The following UGT1A5 variants were observed in gnomAD, a reference collection of about 807,000 sequenced individuals.
UGT1A5 encodes UDP glucuronosyltransferase family 1 member A5.
Under a neutral mutation model 40.3 loss-of-function variants are expected in UGT1A5, and 29 were observed. That is an observed-to-expected ratio of 0.72 (90% CI 0.54 to 0.98). The LOEUF (loss-of-function observed/expected upper bound fraction) is 0.98. Among genes scored for constraint, UGT1A5 ranks in the 50% least tolerant of loss-of-function variants. The probability of loss-of-function intolerance (pLI) is 0.00; values close to 1 mark genes in which losing one functional copy is unlikely to be tolerated. For synonymous variants in UGT1A5, 257 were observed against 262.5 expected (o/e 0.98, Z 0.20); for missense variants, 678 against 677.9 (o/e 1.00, Z 0.00).
chr2:233,762,413 T>A (rs977567909), intron 1 of UGT1A5, among the ~76,000 whole-genome samples: 9 of 152,252 alleles, frequency 5.9e-5, no homozygotes, highest in African/African-American at 2.2e-4. Flanking sequence ...GGTTGCTTTT[T>A]CTACAAAATA....
Position 233,769,407 on chromosome 2 carries a change from G to C in UGT1A5, c.1307+968G>C. The C allele has an allele frequency of 7.8e-7, 1 of 1,286,632 alleles. No individual in the cohort carries two copies. The highest frequency in any genetic ancestry group is 1.1e-6 in the Non-Finnish European group (1 of 907,224). The allele number at this position is 1,286,632 out of a possible 1,614,324, so 79.7% of individuals were successfully genotyped here. ...ATAGATACTGTGTGCATATGTGCGT[G>C]TGCGTTTGTGCATGTGGCTGTGCTC... On this transcript the variant is annotated intron_variant, in intron 4 of 4. Transcript: ENST00000373414. The surrounding 1 kb of genome is among the most constrained non-coding windows in gnomAD (Gnocchi z 4.4).
At chr2:233,715,903 T>C (rs995195646) in intron 1 of UGT1A5, among the ~76,000 whole-genome samples, 1 of 152,162 alleles carries the variant, frequency 6.6e-6, no homozygotes, top group Non-Finnish European at 1.5e-5. Context: ...GAGGCTCAGG[T>C]GGGAGGATCA....
At chr2:233,733,215 C>T (rs1311837703) in intron 1 of UGT1A5, among the ~76,000 whole-genome samples, 2 of 152,150 alleles carry the variant, frequency 1.3e-5, no homozygotes, top group East Asian at 3.8e-4. Flanking sequence ...TGGGCTGAGA[C>T]AATGGGGTTT....
chr2:233,715,394 A>G (rs1337290732), intron 1 of UGT1A5, among the ~76,000 whole-genome samples: 1 of 152,240 alleles, frequency 6.6e-6, no homozygotes, highest in Non-Finnish European at 1.5e-5. Context: ...TTATCATTAA[A>G]TAATAATCCT....
chr2:233,728,748 G>A (rs2077747178), intron 1 of UGT1A5, among the ~76,000 whole-genome samples: 1 of 152,206 alleles, frequency 6.6e-6, no homozygotes, highest in African/African-American at 2.4e-5. Flanking sequence ...TAGGGCAATG[G>A]TGACTCCTCA....
intron 1 of UGT1A5, among the ~76,000 whole-genome samples, chr2:233,722,617 C>G (rs1215514710): frequency 6.6e-6 from 1 of 152,088 alleles, no homozygotes; most frequent in African/African-American, 2.4e-5. Context: ...TTTGATTTTT[C>G]TTAATGAAGC....
intron 1 of UGT1A5, chr2:233,747,297 T>C: frequency 6.2e-7 from 1 of 1,601,102 alleles, no homozygotes; most frequent in Admixed American, 1.7e-5. Context: ...GGGCTGAGAG[T>C]GGGAAGGTGC....
chr2:233,734,221 A>G (rs1167860302), intron 1 of UGT1A5, among the ~76,000 whole-genome samples: 2 of 152,172 alleles, frequency 1.3e-5, no homozygotes, highest in Non-Finnish European at 2.9e-5. Flanking sequence ...TGGTCTATTC[A>G]GAGATTCAAC....
intron 1 of UGT1A5, among the ~76,000 whole-genome samples, chr2:233,717,017 A>C (rs1321283175): frequency 2.0e-5 from 3 of 152,130 alleles, no homozygotes; most frequent in Non-Finnish European, 4.4e-5. Flanking sequence ...CTCTGAAGGC[A>C]CCACCATCTT....
In UGT1A5 at chr2:233,719,228, C is replaced by G. The variant is rs756302430; in HGVS notation, c.867+5370C>G. Reference sequence around the variant, plus strand: ...GTGTGGAGCTACTGCATAATGAGGCCCTGATCAGGCACCTGAATGCTACTT... The same window carrying G: ...GTGTGGAGCTACTGCATAATGAGGCGCTGATCAGGCACCTGAATGCTACTT... On this transcript the variant is annotated intron_variant, in intron 1 of 4. Transcript: ENST00000373414. 3 of 1,614,146 alleles carry G rather than the reference C, an allele frequency of 1.9e-6. No individual in the cohort carries two copies. The Admixed American group carries it at 5.0e-5, about 27-fold the overall frequency.
rs1231652913 is a variant in UGT1A5, at chr2:233,713,567, C to T, written c.576C>T (p.Ser192=). 11 of 1,613,854 alleles carry T rather than the reference C, an allele frequency of 6.8e-6. No individual in the cohort carries two copies. The highest frequency in any genetic ancestry group is 1.3e-5 in the African/African-American group (1 of 74,918). ...GCACACAGTGTCCAAACCCTTCCTCCTATATTCCTAGATTACTAACGACCA... is the reference window on the plus strand; with the variant it reads ...GCACACAGTGTCCAAACCCTTCCTCTTATATTCCTAGATTACTAACGACCA... ...FKGTQCPNPS[S]YIPRLLTTNS... The change falls in exon 1 of 5, where the codon TCC becomes TCT. Residue 192 remains serine, a synonymous_variant. Coordinates refer to ENST00000373414, the MANE Select transcript of UGT1A5 (RefSeq NM_019078.2).
intron 1 of UGT1A5, chr2:233,754,506 C>A: frequency 2.8e-6 from 1 of 356,440 alleles, no homozygotes; most frequent in South Asian, 2.1e-5. Flanking sequence ...GTCCGCTATT[C>A]CTCCAGATGT....
chr2:233,734,278 T>A (rs2078507022), intron 1 of UGT1A5, among the ~76,000 whole-genome samples: 1 of 152,194 alleles, frequency 6.6e-6, no homozygotes, highest in Admixed American at 6.5e-5. Flanking sequence ...CAGGAATTTA[T>A]CCATTTCTTC....
intron 1 of UGT1A5, 29 bp downstream of exon 1, chr2:233,713,887 T>G (rs1373894337): frequency 1.9e-6 from 3 of 1,613,356 alleles, no homozygotes; most frequent in Non-Finnish European, 2.5e-6. Context: ...ATCCAATCAA[T>G]GTTCCAGGCA....
Position 233,769,816 on chromosome 2 carries a change from C to A in UGT1A5, c.1307+1377C>A. On this transcript the variant is annotated intron_variant, in intron 4 of 4. Transcript: ENST00000373414. The surrounding 1 kb of genome is among the most constrained non-coding windows in gnomAD (Gnocchi z 4.4). ...GCTGCTATGAGCCGTGATCATGCCA[C>A]TGCACTCCAGCAACCTGGGCAACAG... 2.2e-6 allele frequency: 2 copies of A among 922,022 alleles called. No individual in the cohort carries two copies. The highest frequency in any genetic ancestry group is 1.5e-6 in the Non-Finnish European group (1 of 663,950). The allele number at this position is 922,022 out of a possible 1,614,324, so 57.1% of individuals were successfully genotyped here. A position where few individuals can be genotyped will look rare whatever the true frequency, so the allele number is the denominator to read the frequency against.
At chr2:233,722,287 T>G (rs2125687052) in intron 1 of UGT1A5, among the ~76,000 whole-genome samples, 2 of 152,350 alleles carry the variant, frequency 1.3e-5, no homozygotes, top group Admixed American at 1.3e-4. Flanking sequence ...TGATTTCCTT[T>G]GTTATTTTGT....
chr2:233,746,290 CTT>C (rs1389294286), intron 1 of UGT1A5, among the ~76,000 whole-genome samples: 2 of 151,596 alleles, frequency 1.3e-5, no homozygotes, highest in Non-Finnish European at 2.9e-5. Flanking sequence ...AGGAAGGTGG[CTT>C]TGTTTCCCTT....
At chr2:233,755,119 C>A (rs2125932041) in intron 1 of UGT1A5, 1 of 1,329,394 alleles carries the variant, frequency 7.5e-7, no homozygotes. Context: ...TCGTAGGCCT[C>A]AGCCACCTGC....
rs1699793349 is a variant in UGT1A5 at position 233,769,122 on chromosome 2, A to G, written c.1307+683A>G. On this transcript the variant is annotated intron_variant, in intron 4 of 4. Transcript: ENST00000373414. The surrounding 1 kb of genome is among the most constrained non-coding windows in gnomAD (Gnocchi z 4.4). ...TAAGAGAAAAACAACTCAAATGCTTAGAAGTACAGCTTTTTGCAGCACTGG... is the reference window on the plus strand; with the variant it reads ...TAAGAGAAAAACAACTCAAATGCTTGGAAGTACAGCTTTTTGCAGCACTGG... Among the ~76,000 whole-genome samples, 1 of 152,252 alleles carries G rather than the reference A, an allele frequency of 6.6e-6. No individual in the cohort carries two copies. The highest frequency in any genetic ancestry group is 1.5e-5 in the Non-Finnish European group (1 of 68,050).
Sources: gnomAD v4.1 joint callset for allele counts (sites outside exome capture counted in the v4.1 genomes callset) on GRCh38, gnomAD v4.1.1 for gene constraint, Gnocchi (gnomAD v3.1) non-coding constraint, MANE v1.5 for transcripts, NCBI Gene and HGNC (gene_info 2026-07-23, HGNC 2026-07-21) for gene names.